Variants in CD53 observed in about 807,000 individuals in gnomAD.
The protein encoded by CD53 is leukocyte surface antigen CD53.
CD53 carries 20 observed loss-of-function variants against 27.3 expected under a neutral mutation model. The observed-to-expected ratio is 0.73, with a 90% CI of 0.52 to 1.07. The LOEUF (loss-of-function observed/expected upper bound fraction) is 1.07, where lower values mean the gene tolerates loss of function less well. CD53 is among the 50% of genes least tolerant of loss of function. The pLI is 0.00. For synonymous variants in CD53, 106 were observed against 105.3 expected (o/e 1.01, Z -0.04); for missense variants, 216 against 264.0 (o/e 0.82, Z 1.26).
chr1:110,871,941 G>C (rs1033285428), upstream of CD53, among the ~76,000 whole-genome samples: 6 of 152,010 alleles, frequency 3.9e-5, no homozygotes, highest in African/African-American at 1.5e-4. Context: ...CTGCAGTAAA[G>C]ACCTTTTTAC....
At chr1:110,874,486 G>A (rs1420165901) in intron 1 of CD53, among the ~76,000 whole-genome samples, 1 of 152,138 alleles carries the variant, frequency 6.6e-6, no homozygotes. Flanking sequence ...CATACTATGC[G>A]TGTGCTTTGG....
intron 1 of CD53, 92 bp from the exon 2 acceptor site, chr1:110,891,300 G>A: frequency 1.1e-6 from 1 of 891,322 alleles, no homozygotes; most frequent in South Asian, 1.4e-5. Context: ...CAAACCCAAG[G>A]TAATGCTAGA....
chr1:110,897,827 A>C lies in CD53; in HGVS notation c.523A>C (p.Arg175=). 1.2e-6 allele frequency: 2 copies of C among 1,610,656 alleles called. No individual in the cohort carries two copies. Among genetic ancestry groups the C allele is most frequent in the Non-Finnish European group, 1.7e-6 (2 of 1,177,078 alleles). ...CTTCTAGGGTTGCTATGCGAAAGCA[A>C]GACTGTGGTTTCATTCCAATTTCCT... The part of the protein sequence containing the change: ...RKVEGCYAKA[R]LWFHSNFLYI... Residue 175 remains arginine, a synonymous_variant, in exon 7 of 8, where the codon AGA becomes CGA. Transcript: ENST00000271324.
chr1:110,891,323 T>G, intron 1 of CD53, 69 bp from the exon 2 acceptor site: 6 of 1,060,450 alleles, frequency 5.7e-6, no homozygotes, highest in Non-Finnish European at 7.4e-6. Flanking sequence ...TCCCTGAACA[T>G]TTGTGCACTC....
intron 1 of CD53, among the ~76,000 whole-genome samples, chr1:110,875,939 A>C (rs1656117218): frequency 6.6e-6 from 1 of 152,226 alleles, no homozygotes; most frequent in Non-Finnish European, 1.5e-5. Flanking sequence ...TTCATTATCC[A>C]TTTCATAAGC....
intron 1 of CD53, among the ~76,000 whole-genome samples, chr1:110,887,127 G>T (rs549439642): frequency 4.3e-4 from 65 of 151,348 alleles, no homozygotes; most frequent in African/African-American, 1.6e-3. Context: ...GCAGTGGCGC[G>T]ATCTCGGCTC....
chr1:110,889,440 C>T (rs568631246), intron 1 of CD53, among the ~76,000 whole-genome samples: 102 of 152,056 alleles, frequency 6.7e-4, no homozygotes, highest in African/African-American at 2.4e-3. Flanking sequence ...GCGCCTGTAA[C>T]CCAGCTACTC....
chr1:110,894,201 C>T (rs998781711), intron 3 of CD53, 126 bp from the exon 4 acceptor site: 26 of 748,202 alleles, frequency 3.5e-5, no homozygotes, highest in Admixed American at 1.9e-4. Context: ...AGGCTTACAA[C>T]GGCCTGAGGA....
At chr1:110,896,583 C>T (rs1270292182) in intron 5 of CD53, 70 bp from the exon 6 acceptor site, 1 of 1,447,718 alleles carries the variant, frequency 6.9e-7, no homozygotes, top group East Asian at 2.3e-5. Flanking sequence ...ACACCTTTTC[C>T]TCTAAGGTCC....
At chr1:110,896,547 C>G (rs1347387749) in intron 5 of CD53, 106 bp from the exon 6 acceptor site, 1 of 1,010,540 alleles carries the variant, frequency 9.9e-7, no homozygotes, top group Non-Finnish European at 1.5e-6. Context: ...TTCTGGACTT[C>G]TGCTATAGAG....
intron 5 of CD53, among the ~76,000 whole-genome samples, chr1:110,895,634 A>G (rs1483149719): frequency 6.6e-6 from 1 of 152,240 alleles, no homozygotes; most frequent in African/African-American, 2.4e-5. Context: ...TGGCACAGGA[A>G]TTAGAGCCTG....
At position 110,892,526 on chromosome 1, in the gene CD53, TTA is replaced by T. The variant is rs780963278; in HGVS notation, c.247_248del (p.Met83ValfsTer13). The T allele has an allele frequency of 3.1e-6, 5 of 1,613,344 alleles. No homozygotes were observed. The highest frequency in any genetic ancestry group is 1.3e-5 in the African/African-American group (1 of 74,890). Reference sequence around the variant, plus strand: ...TCTATCAAGGAAAACAAGTGTCTGCTTATGTCGGTGAGTCCTTACAGCAGATG... The same window carrying T: ...TCTATCAAGGAAAACAAGTGTCTGCTTGTCGGTGAGTCCTTACAGCAGATG... On this transcript the variant is annotated frameshift_variant, in exon 3 of 8. Transcript: ENST00000271324. LOFTEE classifies it high-confidence loss of function.
intron 1 of CD53, among the ~76,000 whole-genome samples, chr1:110,875,047 G>A (rs762223148): frequency 9.8e-5 from 15 of 152,318 alleles, no homozygotes; most frequent in Non-Finnish European, 1.6e-4. Flanking sequence ...GATGGAGAAC[G>A]TGCACAAACT....
At chr1:110,887,294 G>A (rs976586429) in intron 1 of CD53, among the ~76,000 whole-genome samples, 10 of 152,118 alleles carry the variant, frequency 6.6e-5, no homozygotes, top group Middle Eastern at 3.2e-3. Context: ...TCGATCTCCT[G>A]ACCTTGTGAT....
At position 110,892,401 on chromosome 1, in the gene CD53, C is replaced by T. The variant is rs949995808; in HGVS notation, c.120C>T (p.Phe40=). 30 of 1,613,770 alleles carry T rather than the reference C, an allele frequency of 1.9e-5. No individual in the cohort carries two copies. The highest frequency in any genetic ancestry group is 2.2e-5 in the East Asian group (1 of 44,896). The part of the protein sequence containing the change: ...FGIYLLIHNN[F]GVLFHNLPSL... Reference sequence around the variant, plus strand: ...TCTACCTGCTGATCCACAACAACTTCGGAGTGCTCTTCCATAACCTCCCCT... The same window carrying T: ...TCTACCTGCTGATCCACAACAACTTTGGAGTGCTCTTCCATAACCTCCCCT... Residue 40 remains phenylalanine (F), a synonymous_variant, in exon 3 of 8, where the codon TTC becomes TTT. Transcript: ENST00000271324.
chr1:110,896,858 G>C (rs910906778), intron 6 of CD53, 125 bp downstream of exon 6: 23 of 767,032 alleles, frequency 3.0e-5, no homozygotes, highest in African/African-American at 5.2e-5. Flanking sequence ...ATAAAAGAGA[G>C]GCCAGGGCAA....
At chr1:110,899,002 ATG>A in intron 7 of CD53, 120 bp from the exon 8 acceptor site, 1 of 672,920 alleles carries the variant, frequency 1.5e-6, no homozygotes. Flanking sequence ...CTTGAAAGTA[ATG>A]GTTGGAAGGG....
intron 2 of CD53, among the ~76,000 whole-genome samples, chr1:110,891,898 T>C (rs1033840207): frequency 1.3e-5 from 2 of 152,176 alleles, no homozygotes; most frequent in South Asian, 2.1e-4. Flanking sequence ...ATTTCAGATA[T>C]AGGATGGGTT....
rs1657229386 is a variant in CD53 at position 110,899,731 on chromosome 1, T to C, written c.*536T>C. The C allele has an allele frequency of 6.5e-6, 1 of 154,842 alleles. No homozygotes were observed. Among genetic ancestry groups the C allele is most frequent in the Non-Finnish European group, 1.4e-5 (1 of 69,696 alleles). The allele number at this position is 154,842 out of a possible 1,614,324, so 9.6% of individuals were successfully genotyped here. On this transcript the variant is annotated 3_prime_UTR_variant, in exon 8 of 8. Transcript: ENST00000271324. ...AAGGGCAAGATCTCATTTCAATTTCTTTATTAGAGGGCCTTATTGATGTGT... is the reference window on the plus strand; with the variant it reads ...AAGGGCAAGATCTCATTTCAATTTCCTTATTAGAGGGCCTTATTGATGTGT...
Sources: gnomAD v4.1 joint callset for allele counts (sites outside exome capture counted in the v4.1 genomes callset) on GRCh38, gnomAD v4.1.1 for gene constraint, MANE v1.5 for transcripts, NCBI Gene and HGNC (gene_info 2026-07-23, HGNC 2026-07-21) for gene names.